Variants in FOXN3 observed in about 807,000 individuals in gnomAD.
FOXN3 encodes forkhead box protein N3.
Under a neutral mutation model 38.4 loss-of-function variants are expected in FOXN3, and 7 were observed. The ratio of observed to expected loss-of-function variants is 0.18; its 90% CI spans 0.10 to 0.34. The LOEUF is 0.34. Ranked by LOEUF, FOXN3 falls within the 10% of genes least tolerant of loss-of-function variation. FOXN3 has a pLI of 1.00. For missense variants in FOXN3, 456 were observed against 613.4 expected (o/e 0.74, Z 2.71); for synonymous variants, 230 against 242.2 (o/e 0.95, Z 0.47).
intron 1 of FOXN3, among the ~76,000 whole-genome samples, chr14:89,429,531 AT>A (rs36009008): frequency 0.11 from 16,238 of 147,276 alleles, 1,019 homozygotes; most frequent in South Asian, 0.25. Context: ...GACACAACTG[AT>A]TTTTTTTTTT....
chr14:89,547,058 T>G (rs901457563), intron 1 of FOXN3, among the ~76,000 whole-genome samples: 1 of 152,034 alleles, frequency 6.6e-6, no homozygotes, highest in Non-Finnish European at 1.5e-5. Flanking sequence ...GTGCTGGGAT[T>G]ACAGGCGAGA....
chr14:89,254,074 A>C (rs959912400), intron 4 of FOXN3, among the ~76,000 whole-genome samples: 1 of 152,160 alleles, frequency 6.6e-6, no homozygotes, highest in African/African-American at 2.4e-5. Context: ...GCTGTGTCAC[A>C]TACTAACAAC....
At chr14:89,396,684 T>C (rs534241699) in intron 2 of FOXN3, among the ~76,000 whole-genome samples, 2 of 152,062 alleles carry the variant, frequency 1.3e-5, no homozygotes, top group African/African-American at 4.8e-5. Flanking sequence ...ATACAAAAAT[T>C]AGATGGGTGT....
chr14:89,236,419 G>A (rs1884981867), intron 4 of FOXN3, among the ~76,000 whole-genome samples: 1 of 152,232 alleles, frequency 6.6e-6, no homozygotes, highest in South Asian at 2.1e-4. Flanking sequence ...GGAGGCTGAG[G>A]CAGGAGAATG....
intron 3 of FOXN3, among the ~76,000 whole-genome samples, chr14:89,300,591 G>A (rs566631473): frequency 1.3e-5 from 2 of 152,310 alleles, no homozygotes; most frequent in South Asian, 4.1e-4. Context: ...TGGAGAAATT[G>A]TGATTTCCCT....
intron 1 of FOXN3, among the ~76,000 whole-genome samples, chr14:89,454,320 GA>G (rs1892677960): frequency 6.6e-6 from 1 of 152,164 alleles, no homozygotes; most frequent in Non-Finnish European, 1.5e-5. Context: ...AAAGAAGAGA[GA>G]CCAGGGTGGC....
intron 2 of FOXN3, among the ~76,000 whole-genome samples, chr14:89,408,397 A>G (rs1891448237): frequency 6.6e-6 from 1 of 151,814 alleles, no homozygotes; most frequent in East Asian, 1.9e-4. Flanking sequence ...AGCTGGGACT[A>G]CAGGAGTATG....
At chr14:89,488,349 T>C (rs1893495204) in intron 1 of FOXN3, among the ~76,000 whole-genome samples, 2 of 151,550 alleles carry the variant, frequency 1.3e-5, no homozygotes, top group Non-Finnish European at 2.9e-5. Context: ...GTGGCTGATG[T>C]TTAATTAATG....
chr14:89,340,493 T>C (rs1888584371), intron 3 of FOXN3, among the ~76,000 whole-genome samples: 1 of 152,222 alleles, frequency 6.6e-6, no homozygotes, highest in South Asian at 2.1e-4. Flanking sequence ...GCTCTTTCCG[T>C]ACCTCTCACA....
At chr14:89,365,579 C>A (rs967042860) in intron 2 of FOXN3, among the ~76,000 whole-genome samples, 1 of 152,214 alleles carries the variant, frequency 6.6e-6, no homozygotes, top group Non-Finnish European at 1.5e-5. Context: ...ATTAGTTTTA[C>A]CACTCTGTCT....
intron 1 of FOXN3, among the ~76,000 whole-genome samples, chr14:89,552,285 A>G (rs1184571476): frequency 6.6e-6 from 1 of 152,214 alleles, no homozygotes; most frequent in Non-Finnish European, 1.5e-5. Context: ...TTCTGTGAAA[A>G]TATCAGCCAA....
intron 1 of FOXN3, among the ~76,000 whole-genome samples, chr14:89,429,194 A>G (rs1049997999): frequency 6.6e-6 from 1 of 152,190 alleles, no homozygotes; most frequent in African/African-American, 2.4e-5. Context: ...CCTTTGTAGA[A>G]AAAATGCAGT....
At chr14:89,569,108 G>A (rs1263422495) in intron 1 of FOXN3, among the ~76,000 whole-genome samples, 3 of 152,222 alleles carry the variant, frequency 2.0e-5, no homozygotes, top group African/African-American at 7.2e-5. Context: ...TGGAGGCTGA[G>A]GCAGGAGAAT....
At chr14:89,323,968 G>A (rs977229655) in intron 3 of FOXN3, among the ~76,000 whole-genome samples, 1 of 152,120 alleles carries the variant, frequency 6.6e-6, no homozygotes, top group African/African-American at 2.4e-5. Context: ...CTCTAGCGTG[G>A]TGCCTTTGTG....
At chr14:89,369,324 ATAG>A (rs1890245681) in intron 2 of FOXN3, among the ~76,000 whole-genome samples, 1 of 152,230 alleles carries the variant, frequency 6.6e-6, no homozygotes, top group Non-Finnish European at 1.5e-5. Flanking sequence ...AGTAGCAGTG[ATAG>A]TAGCAGCAAC....
At chr14:89,522,916 C>G (rs1184008481) in intron 1 of FOXN3, among the ~76,000 whole-genome samples, 2 of 151,190 alleles carry the variant, frequency 1.3e-5, no homozygotes, top group Non-Finnish European at 2.9e-5. Context: ...AAAACACAGA[C>G]TGTCAGATAA....
chr14:89,613,154 C>T lies in FOXN3; in HGVS notation c.-15+5874G>A, dbSNP rs762828550. Among the ~76,000 whole-genome samples the T allele has an allele frequency of 1.3e-3, 187 of 143,204 alleles. 1 individual carries two copies. Among genetic ancestry groups the T allele is most frequent in the Middle Eastern group, 0.011 (3 of 280 alleles). 93.9% of individuals were successfully genotyped at this position (143,204 alleles called of 152,430 possible). A position where few individuals can be genotyped will look rare whatever the true frequency, so the allele number is the denominator to read the frequency against. The stretch of plus-strand genomic sequence containing the variant: ...AAAAAAAAAAAAACTCTTACATTAT[C>T]TAAAATCTAAACTTGTATAATATAC... On this transcript the variant is annotated intron_variant, in intron 1 of 6. Transcript: ENST00000345097.
chr14:89,388,389 C>A (rs10162406), intron 2 of FOXN3, among the ~76,000 whole-genome samples: 16,918 of 152,132 alleles, frequency 0.11, 1,165 homozygotes, highest in East Asian at 0.34. Flanking sequence ...AGAGTGGGGC[C>A]GCTGCAAGCA....
At chr14:89,389,800 T>G (rs1385360089) in intron 2 of FOXN3, among the ~76,000 whole-genome samples, 1 of 152,160 alleles carries the variant, frequency 6.6e-6, no homozygotes, top group Non-Finnish European at 1.5e-5. Flanking sequence ...GAAATGACCC[T>G]ACCGGGTCAG....
Sources: allele counts gnomAD v4.1 joint callset (sites outside exome capture counted in the v4.1 genomes callset), GRCh38; gene constraint gnomAD v4.1.1; transcripts MANE v1.5; gene names NCBI Gene and HGNC (gene_info 2026-07-23, HGNC 2026-07-21).